The following DGKB variants were observed in gnomAD, a reference collection of about 807,000 sequenced individuals.
DGKB encodes the protein diacylglycerol kinase beta, also known as 90 kDa diacylglycerol kinase.
Under a neutral mutation model 114.3 loss-of-function variants are expected in DGKB, and 67 were observed. The ratio of observed to expected loss-of-function variants is 0.59; its 90% CI spans 0.48 to 0.72. The LOEUF (loss-of-function observed/expected upper bound fraction) is 0.72. Ranked by LOEUF, DGKB falls within the 30% of genes least tolerant of loss-of-function variation. DGKB has a pLI of 0.00. For synonymous variants in DGKB, 398 were observed against 323.1 expected, an observed-to-expected ratio of 1.23 and a Z score of -2.49; for missense variants, 907 against 975.2, an observed-to-expected ratio of 0.93 and a Z score of 0.93.
intron 1 of DGKB, among the ~76,000 whole-genome samples, chr7:14,964,796 C>T (rs1394454164): frequency 6.6e-6 from 1 of 152,070 alleles, no homozygotes; most frequent in Non-Finnish European, 1.5e-5. Context: ...ATTTCTTGAA[C>T]CAAATCAATG....
At chr7:14,150,086 T>G (rs955147929) in intron 25 of DGKB, among the ~76,000 whole-genome samples, 5 of 152,112 alleles carry the variant, frequency 3.3e-5, no homozygotes, top group African/African-American at 1.2e-4. Context: ...TAAGATACAT[T>G]GTAAGATAAT....
chr7:14,835,767 C>T (rs1315585062), intron 2 of DGKB, among the ~76,000 whole-genome samples: 1 of 152,120 alleles, frequency 6.6e-6, no homozygotes, highest in Non-Finnish European at 1.5e-5. Context: ...ATTTTGGAAA[C>T]ATGACTAAGA....
At chr7:14,768,450 T>C (rs935149745) in intron 2 of DGKB, among the ~76,000 whole-genome samples, 1 of 151,968 alleles carries the variant, frequency 6.6e-6, no homozygotes, top group Non-Finnish European at 1.5e-5. Flanking sequence ...GATTCTATGA[T>C]AGTGCATATC....
intron 9 of DGKB, among the ~76,000 whole-genome samples, chr7:14,685,879 A>G (rs924001301): frequency 2.0e-5 from 3 of 152,154 alleles, no homozygotes; most frequent in African/African-American, 7.2e-5. Flanking sequence ...TAATACTAAA[A>G]GGTAAGTTAT....
intron 21 of DGKB, among the ~76,000 whole-genome samples, chr7:14,411,598 A>T (rs545932419): frequency 9.9e-5 from 15 of 152,262 alleles, no homozygotes; most frequent in African/African-American, 3.6e-4. Flanking sequence ...TTACTCCATG[A>T]GTTTTAGCTT....
At chr7:14,633,486 C>T (rs999989052) in intron 13 of DGKB, among the ~76,000 whole-genome samples, 1 of 151,806 alleles carries the variant, frequency 6.6e-6, no homozygotes, top group Non-Finnish European at 1.5e-5. Context: ...AATGTACATG[C>T]CCATCAGTAG....
At chr7:14,288,788 A>G (rs1029356528) in intron 23 of DGKB, among the ~76,000 whole-genome samples, 4 of 152,134 alleles carry the variant, frequency 2.6e-5, no homozygotes, top group Admixed American at 1.3e-4. Context: ...ACCAGCTGGA[A>G]ACCTCCCCAC....
intron 9 of DGKB, among the ~76,000 whole-genome samples, chr7:14,685,615 C>A (rs948947251): frequency 1.3e-5 from 2 of 152,154 alleles, no homozygotes; most frequent in African/African-American, 2.4e-5. Context: ...AACAGCGTAC[C>A]CCAAGCCATC....
At position 14,235,003 on chromosome 7, in the gene DGKB, CA is replaced by C. The variant is rs1387643007; in HGVS notation, c.2123-56853del. Among the ~76,000 whole-genome samples the C allele has an allele frequency of 2.6e-5, 4 of 152,144 alleles. No homozygotes were observed. In the East Asian group the frequency reaches 7.8e-4, roughly 30 times the overall value. ...TTTGCATAAAAATTCTTTTGGTCAA[CA>C]AAAAAGTAACTTGGATTTAATTTTG... On this transcript the variant is annotated intron_variant, in intron 23 of 25. Coordinates refer to ENST00000402815, the MANE Select transcript of DGKB (RefSeq NM_001350709.2).
intron 21 of DGKB, among the ~76,000 whole-genome samples, chr7:14,429,479 AT>A (rs1230181902): frequency 6.6e-6 from 1 of 152,182 alleles, no homozygotes; most frequent in Non-Finnish European, 1.5e-5. Context: ...CACTCAACCT[AT>A]GGAAATTTAA....
intron 13 of DGKB, among the ~76,000 whole-genome samples, chr7:14,666,071 C>T (rs1017987679): frequency 1.3e-5 from 2 of 151,838 alleles, no homozygotes; most frequent in African/African-American, 4.8e-5. Flanking sequence ...TATATTCCAA[C>T]ATCATAGTTC....
intron 23 of DGKB, among the ~76,000 whole-genome samples, chr7:14,284,275 G>A (rs1800465568): frequency 6.8e-6 from 1 of 146,854 alleles, no homozygotes; most frequent in East Asian, 2.0e-4. Context: ...CACCATCACT[G>A]GCCATCAGAG....
intron 22 of DGKB, among the ~76,000 whole-genome samples, chr7:14,339,125 G>C (rs1811178379): frequency 6.6e-6 from 1 of 151,830 alleles, no homozygotes; most frequent in African/African-American, 2.4e-5. Flanking sequence ...AGGTACTATT[G>C]GGGGAAAGTA....
At chr7:14,224,523 C>T (rs1300062024) in intron 23 of DGKB, among the ~76,000 whole-genome samples, 1 of 151,876 alleles carries the variant, frequency 6.6e-6, no homozygotes, top group Non-Finnish European at 1.5e-5. Context: ...CCTGTTTTTT[C>T]TCCCTTGTGT....
At chr7:14,802,196 CTTGAT>C in intron 2 of DGKB, among the ~76,000 whole-genome samples, 1 of 152,192 alleles carries the variant, frequency 6.6e-6, no homozygotes, top group African/African-American at 2.4e-5. Flanking sequence ...CATTGCTAAT[CTTGAT>C]TTAATTTCCA....
intron 23 of DGKB, among the ~76,000 whole-genome samples, chr7:14,297,629 C>T (rs1802808286): frequency 6.6e-6 from 1 of 152,152 alleles, no homozygotes; most frequent in Admixed American, 6.6e-5. Flanking sequence ...GAAGCATTCT[C>T]TTTGAAAACT....
intron 21 of DGKB, among the ~76,000 whole-genome samples, chr7:14,467,808 G>T (rs1057035233): frequency 2.6e-5 from 4 of 152,118 alleles, no homozygotes; most frequent in Non-Finnish European, 4.4e-5. Flanking sequence ...TGTGGAGGGA[G>T]AAGCAACGCA....
intron 4 of DGKB, among the ~76,000 whole-genome samples, chr7:14,738,058 G>T (rs996250422): frequency 6.6e-6 from 1 of 152,174 alleles, no homozygotes; most frequent in Non-Finnish European, 1.5e-5. Flanking sequence ...AAAACATGGC[G>T]ATTAGGCCAA....
chr7:14,334,315 T>G (rs1810268145), intron 23 of DGKB, among the ~76,000 whole-genome samples: 1 of 149,954 alleles, frequency 6.7e-6, no homozygotes, highest in Admixed American at 6.7e-5. Flanking sequence ...ATCTATAGAC[T>G]TTCCAGTCAA....
Sources: allele counts gnomAD v4.1 joint callset (sites outside exome capture counted in the v4.1 genomes callset), GRCh38; gene constraint gnomAD v4.1.1; transcripts MANE v1.5; gene names NCBI Gene and HGNC (gene_info 2026-07-23, HGNC 2026-07-21).